The following SLC25A43 variants were observed in gnomAD, a reference collection of about 807,000 sequenced individuals.
The protein encoded by SLC25A43 is solute carrier family 25, member 43.
Under a neutral mutation model 22.8 loss-of-function variants are expected in SLC25A43, and 10 were observed. The observed-to-expected ratio is 0.44, with a 90% confidence interval of 0.27 to 0.74. The LOEUF is 0.74. Ranked by LOEUF, SLC25A43 falls within the 30% of genes least tolerant of loss-of-function variation. SLC25A43 has a pLI of 0.17. For missense variants in SLC25A43, 233 were observed against 279.1 expected, an observed-to-expected ratio of 0.83 and a Z score of 1.18; for synonymous variants, 106 against 121.6, an observed-to-expected ratio of 0.87 and a Z score of 0.84.
intron 3 of SLC25A43, among the ~76,000 whole-genome samples, chrX:119,416,385 A>C (rs769310740): frequency 4.1e-4 from 45 of 110,841 alleles, no homozygotes; most frequent in Non-Finnish European, 7.0e-4. Context: ...ACGCCCGGCT[A>C]AGTTTTTGTA....
At chrX:119,442,475 C>A (rs1392018314) in intron 3 of SLC25A43, among the ~76,000 whole-genome samples, 1 of 111,990 alleles carries the variant, frequency 8.9e-6, no homozygotes, top group Non-Finnish European at 1.9e-5. Flanking sequence ...TACTTTCCTG[C>A]ATGAACATAA....
Position 119,444,720 on chromosome X carries a change from G to GA in SLC25A43, c.691-7287dup, listed in dbSNP as rs1353591744. 7.9e-4 allele frequency among the ~76,000 whole-genome samples: 77 copies of GA among 96,880 alleles called. No homozygotes were observed. The South Asian group carries it at 0.017, about 21-fold the overall frequency. 84.1% of individuals were successfully genotyped at this position (96,880 alleles called of 115,157 possible). ...CTGTGTCTCAAAAAAAAAAAAAAAA[G>GA]AAGAAATTGAAGCTCAGAGAAGTTA... is the stretch of plus-strand genomic sequence containing the variant. On this transcript the variant is annotated intron_variant, in intron 3 of 4. Transcript: ENST00000217909.
At chrX:119,421,415 G>T (rs781781746) in intron 3 of SLC25A43, among the ~76,000 whole-genome samples, 5 of 111,784 alleles carry the variant, frequency 4.5e-5, no homozygotes, top group African/African-American at 6.5e-5. Context: ...TACTGGCTGG[G>T]CTAAACAAAA....
At chrX:119,423,607 T>C (rs185617105) in intron 3 of SLC25A43, 3 of 110,863 alleles carry the variant, frequency 2.7e-5, no homozygotes, top group Middle Eastern at 4.7e-3. Flanking sequence ...TGTGACCAGA[T>C]TTGAATGAAT....
chrX:119,411,412 A>G (rs2052348488), intron 3 of SLC25A43, among the ~76,000 whole-genome samples: 1 of 109,383 alleles, frequency 9.1e-6, no homozygotes, highest in Non-Finnish European at 1.9e-5. Flanking sequence ...AGGCAGGAGA[A>G]TCACTTGAAC....
In SLC25A43 at chrX:119,454,201, C is replaced by T. The variant is rs1237123272; in HGVS notation, c.*1136C>T. The T allele has an allele frequency of 3.6e-5, 4 of 112,153 alleles. No individual in the cohort carries two copies. Among genetic ancestry groups the T allele is most frequent in the Non-Finnish European group, 7.5e-5 (4 of 53,200 alleles). 9.2% of individuals were successfully genotyped at this position (112,153 alleles called of 1,213,427 possible). On this transcript the variant is annotated 3_prime_UTR_variant, in exon 5 of 5. Transcript: ENST00000217909. Reference sequence around the variant, plus strand: ...AGGATCAAATGGAACATTTGACACACATACTCAAAAAAATGTAACTGACTA... The same window carrying T: ...AGGATCAAATGGAACATTTGACACATATACTCAAAAAAATGTAACTGACTA...
chrX:119,417,549 A>G (rs963195267), intron 3 of SLC25A43, among the ~76,000 whole-genome samples: 4 of 111,460 alleles, frequency 3.6e-5, no homozygotes, highest in Admixed American at 9.6e-5. Flanking sequence ...GAGAGCTAGA[A>G]CAGTGACCTC....
chrX:119,417,263 C>CA (rs58813095), intron 3 of SLC25A43, among the ~76,000 whole-genome samples: 2,969 of 98,153 alleles, frequency 0.03, 112 homozygotes, highest in African/African-American at 0.1. Context: ...ACTGAAAATA[C>CA]AAAAAAAAAA....
At chrX:119,433,402 C>T (rs2052570901) in intron 3 of SLC25A43, among the ~76,000 whole-genome samples, 2 of 111,875 alleles carry the variant, frequency 1.8e-5, no homozygotes. Flanking sequence ...TCATCTTAAA[C>T]ATGCCTTTAC....
intron 3 of SLC25A43, among the ~76,000 whole-genome samples, chrX:119,444,946 A>G (rs2052654182): frequency 9.5e-6 from 1 of 105,361 alleles, no homozygotes; most frequent in Non-Finnish European, 1.9e-5. Context: ...GAGGCACAAG[A>G]ATCGCTTGAA....
chrX:119,428,174 G>C (rs780202949), intron 3 of SLC25A43, among the ~76,000 whole-genome samples: 1 of 112,046 alleles, frequency 8.9e-6, no homozygotes, highest in Non-Finnish European at 1.9e-5. Context: ...ATGTATCTCG[G>C]CTGGGCACGG....
chrX:119,399,567 C>G lies in SLC25A43; in HGVS notation c.164C>G (p.Thr55Arg), dbSNP rs1363276180. Residue 55 changes from threonine (T) to arginine (R), a missense_variant, in exon 1 of 5, where the codon ACA becomes AGA. Coordinates refer to ENST00000217909, the MANE Select transcript of SLC25A43 (RefSeq NM_145305.3). ...VRGHARGPWA[T>R]GHRVWRAEGL... ...GGCCACGCCCGGGGACCGTGGGCCA[C>G]AGGGCACCGGGTGTGGCGGGCAGAG... 1.9e-6 allele frequency: 2 copies of G among 1,052,880 alleles called. No homozygotes were observed. The highest frequency in any genetic ancestry group is 3.9e-5 in the African/African-American group (2 of 50,903). The allele number at this position is 1,052,880 out of a possible 1,213,427, so 86.8% of individuals were successfully genotyped here.
chrX:119,450,427 C>A (rs1569378442), intron 3 of SLC25A43, among the ~76,000 whole-genome samples: 1 of 111,819 alleles, frequency 8.9e-6, no homozygotes, highest in East Asian at 2.8e-4. Context: ...ATCAAAAAAT[C>A]CCTCCTTACA....
chrX:119,426,715 C>A (rs1289443405), intron 3 of SLC25A43, among the ~76,000 whole-genome samples: 1 of 108,624 alleles, frequency 9.2e-6, no homozygotes, highest in Non-Finnish European at 1.9e-5. Context: ...CCCAGCTACT[C>A]AATAGGCTGA....
At chrX:119,428,062 A>G (rs1018629666) in intron 3 of SLC25A43, among the ~76,000 whole-genome samples, 4 of 112,269 alleles carry the variant, frequency 3.6e-5, no homozygotes, top group African/African-American at 1.3e-4. Context: ...AAGATGGTCT[A>G]TGCAAAGATC....
chrX:119,416,770 C>T (rs920214492), intron 3 of SLC25A43, among the ~76,000 whole-genome samples: 1 of 111,950 alleles, frequency 8.9e-6, no homozygotes, highest in Non-Finnish European at 1.9e-5. Flanking sequence ...GATGAAATTA[C>T]CAATATTCAA....
At chrX:119,413,361 A>G (rs1373478187) in intron 3 of SLC25A43, among the ~76,000 whole-genome samples, 1 of 111,365 alleles carries the variant, frequency 9.0e-6, no homozygotes, top group Admixed American at 9.6e-5. Flanking sequence ...ACATATAAAG[A>G]TATATAAGGT....
At chrX:119,441,932 A>G (rs971332895) in intron 3 of SLC25A43, among the ~76,000 whole-genome samples, 21 of 110,965 alleles carry the variant, frequency 1.9e-4, no homozygotes, top group Non-Finnish European at 4.0e-4. Context: ...GTACTAACAT[A>G]CAAAAAAATT....
intron 3 of SLC25A43, among the ~76,000 whole-genome samples, chrX:119,434,016 C>G (rs192473087): frequency 4.9e-4 from 55 of 111,429 alleles, no homozygotes; most frequent in African/African-American, 1.7e-3. Context: ...GCAGGTAGAC[C>G]AGCTAGTAAC....
Sources: allele counts gnomAD v4.1 joint callset (sites outside exome capture counted in the v4.1 genomes callset), GRCh38; gene constraint gnomAD v4.1.1; transcripts MANE v1.5; gene names NCBI Gene and HGNC (gene_info 2026-07-23, HGNC 2026-07-21).